Variants in MGAT4C observed in about 807,000 individuals in gnomAD.
MGAT4C encodes the protein alpha-1,3-mannosyl-glycoprotein 4-beta-N-acetylglucosaminyltransferase C.
A neutral mutation model predicts 40.1 loss-of-function variants in MGAT4C; 19 were observed. The ratio of observed to expected loss-of-function variants is 0.47; its 90% CI spans 0.33 to 0.70. The LOEUF is 0.70. Ranked by LOEUF, MGAT4C falls within the 30% of genes least tolerant of loss-of-function variation. MGAT4C has a pLI of 0.02. For synonymous variants in MGAT4C, 181 were observed against 187.1 expected (o/e 0.97, Z 0.27); for missense variants, 491 against 563.2 (o/e 0.87, Z 1.30).
At chr12:86,826,043 G>T (rs1952800245) in intron 1 of MGAT4C, among the ~76,000 whole-genome samples, 1 of 151,382 alleles carries the variant, frequency 6.6e-6, no homozygotes, top group Non-Finnish European at 1.5e-5. Context: ...GAATCCAGCA[G>T]AAAGTGAGTG....
intron 2 of MGAT4C, among the ~76,000 whole-genome samples, chr12:86,568,551 T>TATAC (rs1271059328): frequency 6.7e-6 from 1 of 148,994 alleles, no homozygotes; most frequent in Non-Finnish European, 1.5e-5. Context: ...CCTTCATATA[T>TATAC]ATATATATAT....
At chr12:86,687,215 A>G (rs1950089307) in intron 2 of MGAT4C, among the ~76,000 whole-genome samples, 1 of 150,944 alleles carries the variant, frequency 6.6e-6, no homozygotes, top group South Asian at 2.1e-4. Flanking sequence ...TTTATTTTCT[A>G]TTCTTCTTTC....
At chr12:86,047,824 G>A (rs1321631559) in intron 2 of MGAT4C, among the ~76,000 whole-genome samples, 2 of 152,114 alleles carry the variant, frequency 1.3e-5, no homozygotes, top group Non-Finnish European at 2.9e-5. Context: ...TTGGTCTTGG[G>A]TTGATATTGC....
chr12:86,175,546 T>C (rs543863802), intron 1 of MGAT4C, among the ~76,000 whole-genome samples: 53 of 152,288 alleles, frequency 3.5e-4, no homozygotes, highest in African/African-American at 1.3e-3. Context: ...TTCTAGAGTT[T>C]ACATATTCAG....
intron 2 of MGAT4C, among the ~76,000 whole-genome samples, chr12:86,012,490 T>C (rs369089763): frequency 6.6e-6 from 1 of 151,916 alleles, no homozygotes; most frequent in East Asian, 1.9e-4. Context: ...CCTGTAATCC[T>C]AGCAATTTGT....
chr12:86,560,545 C>A (rs917775826), intron 2 of MGAT4C, among the ~76,000 whole-genome samples: 1 of 152,058 alleles, frequency 6.6e-6, no homozygotes, highest in Non-Finnish European at 1.5e-5. Flanking sequence ...AGCCATATGA[C>A]CATCTCAATA....
chr12:86,789,084 G>T (rs1469154928), intron 1 of MGAT4C, among the ~76,000 whole-genome samples: 1 of 152,028 alleles, frequency 6.6e-6, no homozygotes, highest in East Asian at 1.9e-4. Context: ...AAGGACTCAG[G>T]ATACAAACAA....
chr12:86,705,164 G>C (rs942714308), intron 2 of MGAT4C, among the ~76,000 whole-genome samples: 1 of 151,824 alleles, frequency 6.6e-6, no homozygotes. Flanking sequence ...CAGACACTTT[G>C]GTCTTCCAAG....
At chr12:86,559,085 A>G (rs559434561) in intron 2 of MGAT4C, among the ~76,000 whole-genome samples, 4 of 151,854 alleles carry the variant, frequency 2.6e-5, no homozygotes, top group Admixed American at 6.6e-5. Context: ...AAAACTGTAG[A>G]AAAAAAAGAA....
chr12:86,258,841 T>C (rs912526862), upstream of MGAT4C, among the ~76,000 whole-genome samples: 4 of 152,042 alleles, frequency 2.6e-5, no homozygotes, highest in Non-Finnish European at 4.4e-5. Context: ...ATACTTTAAT[T>C]CCTAGGAAAA....
intron 4 of MGAT4C, among the ~76,000 whole-genome samples, chr12:86,286,043 C>T (rs1234856661): frequency 1.3e-5 from 2 of 151,972 alleles, no homozygotes; most frequent in Non-Finnish European, 2.9e-5. Flanking sequence ...TTTATTGTTT[C>T]TCTTTATTTT....
chr12:86,550,151 T>C (rs938447962), intron 2 of MGAT4C, among the ~76,000 whole-genome samples: 3 of 152,160 alleles, frequency 2.0e-5, no homozygotes, highest in African/African-American at 7.2e-5. Flanking sequence ...AAGAAATAGG[T>C]ACTTGTTTCT....
At chr12:86,458,558 C>A (rs189247442) in intron 2 of MGAT4C, among the ~76,000 whole-genome samples, 13 of 152,274 alleles carry the variant, frequency 8.5e-5, no homozygotes, top group Non-Finnish European at 1.6e-4. Context: ...ACTATGTGTG[C>A]TAGCCACTAT....
chr12:86,035,860 C>G (rs554539547), intron 2 of MGAT4C, among the ~76,000 whole-genome samples: 1 of 149,866 alleles, frequency 6.7e-6, no homozygotes, highest in African/African-American at 2.4e-5. Flanking sequence ...TTGTTTTTGT[C>G]AGGTTTGTTA....
chr12:86,271,030 G>T (rs910537606), intron 4 of MGAT4C, among the ~76,000 whole-genome samples: 1 of 152,056 alleles, frequency 6.6e-6, no homozygotes, highest in Non-Finnish European at 1.5e-5. Context: ...ACAAATTAAA[G>T]ATTTAAATAT....
At chr12:86,533,582 ATAAT>A (rs538601148) in intron 2 of MGAT4C, among the ~76,000 whole-genome samples, 6 of 151,996 alleles carry the variant, frequency 3.9e-5, no homozygotes, top group South Asian at 2.1e-4. Flanking sequence ...ATGTATATAC[ATAAT>A]TAATTAAATT....
rs547296111 is a variant in MGAT4C at position 86,392,275 on chromosome 12, C to A, written c.-120+42882G>T. 2.6e-5 allele frequency among the ~76,000 whole-genome samples: 4 copies of A among 152,206 alleles called. No homozygotes were observed. The East Asian group carries it at 5.8e-4, about 22-fold the overall frequency. On this transcript the variant is annotated intron_variant, in intron 3 of 7. Coordinates refer to the MGAT4C transcript ENST00000548651. ...TCACCTGAGGTCAGGAGTTCAAGAC[C>A]AGCCTGGCCAACATGGTTAAACTCC...
At chr12:86,604,384 C>T (rs574787278) in intron 2 of MGAT4C, among the ~76,000 whole-genome samples, 41 of 152,196 alleles carry the variant, frequency 2.7e-4, no homozygotes, top group African/African-American at 9.6e-4. Flanking sequence ...AGATGTAAGA[C>T]CCCCAAAAGG....
At chr12:86,425,627 C>T (rs1431954820) in intron 3 of MGAT4C, among the ~76,000 whole-genome samples, 1 of 152,186 alleles carries the variant, frequency 6.6e-6, no homozygotes, top group African/African-American at 2.4e-5. Flanking sequence ...TGACCACTTG[C>T]ATCCTAGCAC....
Sources: gnomAD v4.1 joint callset for allele counts (sites outside exome capture counted in the v4.1 genomes callset) on GRCh38, gnomAD v4.1.1 for gene constraint, MANE v1.5 for transcripts, NCBI Gene and HGNC (gene_info 2026-07-23, HGNC 2026-07-21) for gene names.